CD5: variants seen among roughly 807,000 people sequenced by gnomAD.
The protein encoded by CD5 is CD5 molecule.
CD5 carries 36 observed loss-of-function variants against 60.3 expected under a neutral mutation model. The ratio of observed to expected loss-of-function variants is 0.60; its 90% CI spans 0.46 to 0.79. The LOEUF is 0.79. Among genes scored for constraint, CD5 ranks in the 30% least tolerant of loss-of-function variants. The pLI is 0.00. For synonymous variants in CD5, 230 were observed against 257.6 expected (o/e 0.89, Z 1.03); for missense variants, 540 against 630.6 (o/e 0.86, Z 1.54).
chr11:61,098,225 T>C (rs1048313367), upstream of CD5, among the ~76,000 whole-genome samples: 3 of 152,210 alleles, frequency 2.0e-5, no homozygotes, highest in Non-Finnish European at 4.4e-5. Flanking sequence ...GTTTGCTACC[T>C]GTACTTCTTC....
upstream of CD5, among the ~76,000 whole-genome samples, chr11:61,100,141 G>A (rs979473766): frequency 7.9e-6 from 1 of 126,250 alleles, no homozygotes; most frequent in Non-Finnish European, 1.6e-5. Context: ...ACATCAACAT[G>A]GAGATCACAC....
chr11:61,119,359 G>C lies in CD5; in HGVS notation c.589G>C (p.Glu197Gln). Reference protein sequence around the residue: ...YEAQDKTQDLENFLCNNLQCG... With the variant: ...YEAQDKTQDLQNFLCNNLQCG... ...GGCCCAGGACAAGACCCAGGACCTGGAGAACTTCCTCTGCAACAACCTCCA... is the reference window on the plus strand; with the variant it reads ...GGCCCAGGACAAGACCCAGGACCTGCAGAACTTCCTCTGCAACAACCTCCA... The change falls in exon 5 of 11, where the codon GAG becomes CAG. Residue 197 changes from glutamate (E) to glutamine (Q), a missense_variant. Physicochemically the swap from Glu to Gln is conservative, Grantham distance 29 (BLOSUM62 2). Coordinates refer to ENST00000347785, the MANE Select transcript of CD5 (RefSeq NM_014207.4). 1 of 1,614,148 alleles carries C rather than the reference G, an allele frequency of 6.2e-7. No homozygotes were observed. Among genetic ancestry groups the C allele is most frequent in the Non-Finnish European group, 8.5e-7 (1 of 1,180,036 alleles).
chr11:61,106,748 G>A (rs1466726206), intron 1 of CD5, among the ~76,000 whole-genome samples: 1 of 152,198 alleles, frequency 6.6e-6, no homozygotes, highest in African/African-American at 2.4e-5. Flanking sequence ...ACAGCCCTGT[G>A]GAGGGGAGCT....
intron 1 of CD5, among the ~76,000 whole-genome samples, chr11:61,106,200 A>G (rs937492370): frequency 3.9e-5 from 6 of 152,026 alleles, no homozygotes; most frequent in Admixed American, 1.3e-4. Flanking sequence ...GAGAACAGCA[A>G]GTTCCTCAGG....
intron 5 of CD5, 81 bp from the exon 6 acceptor site, chr11:61,121,530 C>T: frequency 8.0e-7 from 1 of 1,253,972 alleles, no homozygotes; most frequent in South Asian, 2.1e-5. Context: ...CCCGATTTGC[C>T]AGTGGCATGG....
intron 7 of CD5, 122 bp downstream of exon 7, chr11:61,123,154 C>T: frequency 8.7e-7 from 1 of 1,154,534 alleles, no homozygotes. Flanking sequence ...ACCTCTGCTT[C>T]ACCACCCAGC....
chr11:61,125,927 A>C, intron 10 of CD5, 86 bp downstream of exon 10: 1 of 747,944 alleles, frequency 1.3e-6, no homozygotes, highest in Non-Finnish European at 2.1e-6. Context: ...GCCTCCCCTC[A>C]GTCCCACCCT....
chr11:61,100,405 A>T (rs1274984177), upstream of CD5, among the ~76,000 whole-genome samples: 5 of 148,684 alleles, frequency 3.4e-5, no homozygotes, highest in Admixed American at 6.7e-5. Flanking sequence ...CAACATGGAG[A>T]TCACATTCAC....
chr11:61,123,945 T>G lies in CD5; in HGVS notation c.1279+8T>G, dbSNP rs766223281. On this transcript the variant is annotated splice_region_variant and intron_variant, in intron 8 of 10. Coordinates refer to ENST00000347785, the MANE Select transcript of CD5 (RefSeq NM_014207.4). The stretch of plus-strand genomic sequence containing the variant: ...CGGGAATGAACCAAAACAGTAAGTG[T>G]CCCCGGAGGCAGGAGCCTCCCTCAG... 1 of 1,611,970 alleles carries G rather than the reference T, an allele frequency of 6.2e-7. No homozygotes were observed. Among genetic ancestry groups the G allele is most frequent in the Non-Finnish European group, 8.5e-7 (1 of 1,178,478 alleles).
chr11:61,124,059 G>C, intron 8 of CD5, 122 bp downstream of exon 8: 1 of 767,976 alleles, frequency 1.3e-6, no homozygotes. Flanking sequence ...TGATCTCCAC[G>C]GTGCTTGTCT....
upstream of CD5, among the ~76,000 whole-genome samples, chr11:61,099,732 T>C (rs1313558437): frequency 8.3e-5 from 11 of 132,286 alleles, no homozygotes; most frequent in African/African-American, 3.2e-4. Context: ...GGAGATCACA[T>C]TCACACACAT....
chr11:61,110,034 G>A (rs1384240020), intron 1 of CD5, among the ~76,000 whole-genome samples: 3 of 152,134 alleles, frequency 2.0e-5, no homozygotes, highest in African/African-American at 4.8e-5. Context: ...GATGGTGCAG[G>A]AGTAAGCTGT....
intron 1 of CD5, among the ~76,000 whole-genome samples, chr11:61,109,454 C>T (rs1331603458): frequency 1.3e-5 from 2 of 152,086 alleles, no homozygotes; most frequent in Non-Finnish European, 2.9e-5. Context: ...CCAGGATGTC[C>T]TATTTTTCAA....
rs1423186763 is a variant in CD5 at position 61,118,458 on chromosome 11, C to T, written c.378C>T (p.His126=). ...GCCACAGCAGAAATGACATGTGTCACTCTCTGGGCCTGACCTGCTTAGGTG... is the reference window on the plus strand; with the variant it reads ...GCCACAGCAGAAATGACATGTGTCATTCTCTGGGCCTGACCTGCTTAGGTG... ...NCSHSRNDMC[H]SLGLTCLEPQ... Residue 126 remains histidine, a synonymous_variant, in exon 3 of 11, where the codon CAC becomes CAT. Coordinates refer to ENST00000347785, the MANE Select transcript of CD5 (RefSeq NM_014207.4). This position sits in a 1 kb window ranked among gnomAD's most constrained non-coding sequence, Gnocchi z 4.7. The T allele has an allele frequency of 6.2e-7, 1 of 1,614,066 alleles. No individual in the cohort carries two copies. Among genetic ancestry groups the T allele is most frequent in the Non-Finnish European group, 8.5e-7 (1 of 1,180,014 alleles).
At chr11:61,111,301 A>G (rs566321541) in intron 1 of CD5, among the ~76,000 whole-genome samples, 2 of 152,284 alleles carry the variant, frequency 1.3e-5, no homozygotes, top group South Asian at 4.2e-4. Context: ...TTGGAGTCAG[A>G]CACATGGTTC....
intron 2 of CD5, among the ~76,000 whole-genome samples, chr11:61,116,911 T>A (rs932552734): frequency 6.6e-6 from 1 of 150,636 alleles, no homozygotes; most frequent in African/African-American, 2.5e-5. Flanking sequence ...CACACACACA[T>A]ATATTTTTCC....
At chr11:61,099,879 TACACACACATCAACATGGAGATC>T (rs1190456312), upstream of CD5, among the ~76,000 whole-genome samples, 83 of 134,206 alleles carry the variant, frequency 6.2e-4, no homozygotes, top group East Asian at 5.1e-3. Flanking sequence ...ATGGAGATCA[TACACACACATCAACATGGAGATC>T]ACACACACAT....
chr11:61,117,388 T>A (rs1860981187), intron 2 of CD5, among the ~76,000 whole-genome samples: 1 of 152,218 alleles, frequency 6.6e-6, no homozygotes, highest in Admixed American at 6.5e-5. Context: ...ATGTTCCATA[T>A]CTAGATTATG....
chr11:61,098,071 C>A (rs1297760065), upstream of CD5, among the ~76,000 whole-genome samples: 1 of 152,138 alleles, frequency 6.6e-6, no homozygotes, highest in Admixed American at 6.5e-5. Context: ...AGAGATAGGA[C>A]AAAACTGGCA....
Sources: allele counts gnomAD v4.1 joint callset (sites outside exome capture counted in the v4.1 genomes callset), GRCh38; gene constraint gnomAD v4.1.1; non-coding constraint Gnocchi (gnomAD v3.1); transcripts MANE v1.5; gene names NCBI Gene and HGNC (gene_info 2026-07-23, HGNC 2026-07-21).